The following DRD3 variants were observed in gnomAD, a reference collection of about 807,000 sequenced individuals.
The protein encoded by DRD3 is dopamine receptor D3, also known as D(3) dopamine receptor.
In DRD3, 19 loss-of-function variants were observed where a neutral mutation model predicts 36.3. The observed-to-expected ratio is 0.52, with a 90% CI of 0.36 to 0.77. The LOEUF (loss-of-function observed/expected upper bound fraction) is 0.77. Ranked by LOEUF, DRD3 falls within the 30% of genes least tolerant of loss-of-function variation. The probability of loss-of-function intolerance (pLI) is 0.00; values close to 1 mark genes in which losing one functional copy is unlikely to be tolerated. For missense variants in DRD3, 465 were observed against 505.3 expected (o/e 0.92, Z 0.77); for synonymous variants, 195 against 203.7 (o/e 0.96, Z 0.36).
At chr3:114,166,185 C>T (rs1057341664) in intron 2 of DRD3, among the ~76,000 whole-genome samples, 4 of 151,940 alleles carry the variant, frequency 2.6e-5, no homozygotes, top group Admixed American at 2.0e-4. Context: ...GGGGTTTTAC[C>T]GTGTTGGCCA....
rs34500434 is a variant in DRD3, at chr3:114,164,220, C to CAAAAAAA, written c.271-4360_271-4354dup. On this transcript the variant is annotated intron_variant, in intron 2 of 6. Transcript: ENST00000383673. ...TGGGTGATAGAGCGAGCCTCAGTCT[C>CAAAAAAA]AAAAAAAAAAAAAAAAAAAAAAAAA... is the stretch of plus-strand genomic sequence containing the variant. 2.0e-3 allele frequency among the ~76,000 whole-genome samples: 35 copies of CAAAAAAA among 17,756 alleles called. 1 individual carries two copies. The highest frequency in any genetic ancestry group is 3.1e-3 in the East Asian group (1 of 326). 11.6% of individuals were successfully genotyped at this position (17,756 alleles called of 152,430 possible).
chr3:114,189,840 C>T (rs2077994661), intron 1 of DRD3, among the ~76,000 whole-genome samples: 1 of 152,164 alleles, frequency 6.6e-6, no homozygotes. Context: ...AACCCTTGAA[C>T]CTAGCACCTA....
chr3:114,164,304 C>G (rs990492950), intron 2 of DRD3, among the ~76,000 whole-genome samples: 1 of 148,722 alleles, frequency 6.7e-6, no homozygotes, highest in African/African-American at 2.5e-5. Flanking sequence ...ATTCTTTCTC[C>G]TGCATTCTAA....
At chr3:114,139,264 C>T (rs2107837607) in intron 5 of DRD3, among the ~76,000 whole-genome samples, 1 of 152,318 alleles carries the variant, frequency 6.6e-6, no homozygotes, top group Admixed American at 6.5e-5. Context: ...CAGAACAAGC[C>T]CAGGAGCTCT....
At chr3:114,156,743 T>TTCTTTCTTTCTTTCTTTTTC (rs1286313199) in intron 3 of DRD3, among the ~76,000 whole-genome samples, 2 of 20,688 alleles carry the variant, frequency 9.7e-5, no homozygotes, top group Admixed American at 5.6e-4. Context: ...CTTTCTTTCT[T>TTCTTTCTTTCTTTCTTTTTC]TTTCTTTCTT....
chr3:114,128,974 T>C (rs2077402690), intron 6 of DRD3, 62 bp from the exon 7 acceptor site: 1 of 1,455,398 alleles, frequency 6.9e-7, no homozygotes, highest in African/African-American at 1.4e-5. Flanking sequence ...TGTTATAACA[T>C]GAGAATGACT....
intron 1 of DRD3, among the ~76,000 whole-genome samples, chr3:114,190,974 C>T (rs1028424488): frequency 4.6e-5 from 7 of 152,108 alleles, no homozygotes; most frequent in African/African-American, 9.7e-5. Flanking sequence ...ATGGGAGTTA[C>T]GTTCAAGCTA....
intron 5 of DRD3, among the ~76,000 whole-genome samples, chr3:114,132,829 A>G (rs959345190): frequency 1.3e-5 from 2 of 152,246 alleles, no homozygotes; most frequent in Admixed American, 1.3e-4. Flanking sequence ...GTTGCAAAAT[A>G]TGTGCCTTAT....
At chr3:114,197,937 C>T (rs1012438865) in intron 1 of DRD3, among the ~76,000 whole-genome samples, 2 of 152,138 alleles carry the variant, frequency 1.3e-5, no homozygotes, top group Non-Finnish European at 2.9e-5. Flanking sequence ...TTAATATTTC[C>T]ATATGAACTT....
At chr3:114,181,173 A>C (rs1342650066), upstream of DRD3, among the ~76,000 whole-genome samples, 2 of 152,188 alleles carry the variant, frequency 1.3e-5, no homozygotes, top group East Asian at 3.8e-4. Context: ...TCCTTTGGCA[A>C]AAGTAAAAGG....
In DRD3 at chr3:114,156,749, T is replaced by G. The variant is rs866577046; in HGVS notation, c.383+3006A>C. 8.1e-3 allele frequency among the ~76,000 whole-genome samples: 810 copies of G among 100,136 alleles called. 11 individuals are homozygous for G. The highest frequency in any genetic ancestry group is 0.03 in the African/African-American group (748 of 25,154). 65.7% of individuals were successfully genotyped at this position (100,136 alleles called of 152,430 possible). On this transcript the variant is annotated intron_variant, in intron 3 of 6. Transcript: ENST00000383673. ...TCTTTCTTTCTTTCTTTCTTTTTCT[T>G]TCTTTCTTTCTTTCTTTCTTTCTTT...
At chr3:114,136,610 G>A (rs951813086) in intron 5 of DRD3, among the ~76,000 whole-genome samples, 4 of 152,288 alleles carry the variant, frequency 2.6e-5, no homozygotes, top group South Asian at 2.1e-4. Flanking sequence ...AGCTATTATC[G>A]TTTAAAATGA....
chr3:114,192,330 C>T (rs2078014822), intron 1 of DRD3, among the ~76,000 whole-genome samples: 3 of 152,190 alleles, frequency 2.0e-5, no homozygotes, highest in African/African-American at 7.2e-5. Flanking sequence ...TTATAGCAGT[C>T]TGGCTCCCTG....
At chr3:114,169,361 G>T (rs2077817276) in intron 2 of DRD3, among the ~76,000 whole-genome samples, 1 of 149,356 alleles carries the variant, frequency 6.7e-6, no homozygotes, top group Non-Finnish European at 1.5e-5. Flanking sequence ...GACATTGACT[G>T]GGTCTTGAAG....
intron 3 of DRD3, among the ~76,000 whole-genome samples, chr3:114,150,640 T>C (rs1326164685): frequency 2.8e-4 from 43 of 152,306 alleles, no homozygotes; most frequent in Non-Finnish European, 8.8e-5. Context: ...GGATCTAAGG[T>C]ATAAGCTGGA....
At position 114,131,187 on chromosome 3, in the gene DRD3, C is replaced by G; in HGVS notation, c.937G>C (p.Gly313Arg). 6.2e-7 allele frequency: 1 copy of G among 1,614,178 alleles called. No individual in the cohort carries two copies. The highest frequency in any genetic ancestry group is 1.3e-5 in the African/African-American group (1 of 75,046). The change falls in exon 6 of 7, where the codon GGG (glycine) becomes CGG (arginine). Residue 313 changes from glycine to arginine, a missense_variant. Physicochemically the swap from Gly to Arg is moderately radical, Grantham distance 125. Coordinates refer to ENST00000383673, the MANE Select transcript of DRD3 (RefSeq NM_000796.6). The part of the protein sequence containing the change: ...NGRLSTSLKL[G>R]PLQPRGVPLR... ...GGCACTCCCCGAGGTTGCAGGGGCC[C>G]CAGCTTCAAAGATGTCGATAATCTG...
chr3:114,147,604 G>A, intron 3 of DRD3, 47 bp from the exon 4 acceptor site: 1 of 1,583,212 alleles, frequency 6.3e-7, no homozygotes, highest in Non-Finnish European at 8.6e-7. Flanking sequence ...GATGGAATGG[G>A]GTACTTTTCT....
chr3:114,170,998 A>G (rs1287786849), intron 2 of DRD3, among the ~76,000 whole-genome samples: 1 of 152,042 alleles, frequency 6.6e-6, no homozygotes, highest in Non-Finnish European at 1.5e-5. Context: ...TGTCTTGACC[A>G]CCCCCTGGCT....
intron 3 of DRD3, among the ~76,000 whole-genome samples, chr3:114,151,786 G>T (rs561091286): frequency 5.1e-4 from 77 of 152,346 alleles, no homozygotes; most frequent in African/African-American, 1.7e-3. Context: ...CACCTCTGAG[G>T]TGTGTTTCTC....
Sources: allele counts gnomAD v4.1 joint callset (sites outside exome capture counted in the v4.1 genomes callset), GRCh38; gene constraint gnomAD v4.1.1; transcripts MANE v1.5; gene names NCBI Gene and HGNC (gene_info 2026-07-23, HGNC 2026-07-21).